Variants in EPHA6 observed in about 807,000 individuals in gnomAD.
EPHA6 encodes the protein ephrin type-A receptor 6.
In EPHA6, 50 loss-of-function variants were observed where a neutral mutation model predicts 112.0. The observed-to-expected ratio is 0.45, with a 90% CI of 0.36 to 0.56. The LOEUF (loss-of-function observed/expected upper bound fraction) is 0.56, where lower values mean the gene tolerates loss of function less well. EPHA6 is among the 20% of genes least tolerant of loss of function. The pLI, the probability that EPHA6 is intolerant of heterozygous loss-of-function variation, is 0.00. For synonymous variants in EPHA6, 529 were observed against 490.7 expected, an observed-to-expected ratio of 1.08 and a Z score of -1.03; for missense variants, 1,280 against 1,417.4, an observed-to-expected ratio of 0.90 and a Z score of 1.56.
intron 5 of EPHA6, among the ~76,000 whole-genome samples, chr3:97,302,796 T>C (rs1281540667): frequency 6.6e-6 from 1 of 151,924 alleles, no homozygotes; most frequent in East Asian, 1.9e-4. Context: ...TGTAATATTC[T>C]AGAATTTTCT....
chr3:97,235,587 G>A (rs1183572942), intron 4 of EPHA6, among the ~76,000 whole-genome samples: 2 of 151,954 alleles, frequency 1.3e-5, no homozygotes, highest in Admixed American at 1.3e-4. Context: ...CCTTCCTTTA[G>A]TCTTCCATCC....
chr3:97,459,256 C>T (rs1371082012), intron 7 of EPHA6, among the ~76,000 whole-genome samples: 1 of 152,126 alleles, frequency 6.6e-6, no homozygotes, highest in Admixed American at 6.5e-5. Context: ...CAAAAGTGAG[C>T]CCTGTGCCAA....
chr3:97,002,242 T>G (rs1576297999), intron 3 of EPHA6, among the ~76,000 whole-genome samples: 1 of 151,878 alleles, frequency 6.6e-6, no homozygotes, highest in South Asian at 2.1e-4. Flanking sequence ...AGGACTTTCC[T>G]CTTGAAGCCT....
At chr3:97,131,493 G>T (rs1566486) in intron 3 of EPHA6, among the ~76,000 whole-genome samples, 144,522 of 152,222 alleles carry the variant, frequency 0.95, 68,651 homozygotes, top group East Asian at 1. Context: ...GTTAGTAAAA[G>T]AATAAACAAG....
intron 13 of EPHA6, among the ~76,000 whole-genome samples, chr3:97,623,814 T>C (rs908466390): frequency 6.6e-6 from 1 of 151,718 alleles, no homozygotes; most frequent in African/African-American, 2.4e-5. Flanking sequence ...ATAGCAATCA[T>C]ACATGAAAAG....
At chr3:97,582,239 G>C (rs1338047205) in intron 11 of EPHA6, among the ~76,000 whole-genome samples, 2 of 152,228 alleles carry the variant, frequency 1.3e-5, no homozygotes, top group East Asian at 3.9e-4. Context: ...ATAGTGGTCA[G>C]GCAGGTCTCA....
At chr3:97,588,787 A>C (rs567933434) in intron 11 of EPHA6, among the ~76,000 whole-genome samples, 1 of 152,290 alleles carries the variant, frequency 6.6e-6, no homozygotes, top group African/African-American at 2.4e-5. Context: ...GTTTAAGCTC[A>C]TTGTTAGTCT....
chr3:97,220,241 T>G (rs1264816658), intron 3 of EPHA6, among the ~76,000 whole-genome samples: 1 of 152,166 alleles, frequency 6.6e-6, no homozygotes, highest in Non-Finnish European at 1.5e-5. Flanking sequence ...TTCTGAGCCC[T>G]CCAGGTCTCT....
intron 5 of EPHA6, among the ~76,000 whole-genome samples, chr3:97,376,258 A>C (rs929994383): frequency 6.6e-6 from 1 of 152,156 alleles, no homozygotes; most frequent in East Asian, 1.9e-4. Flanking sequence ...TATAATTCCA[A>C]TTTTCCCTGC....
intron 3 of EPHA6, among the ~76,000 whole-genome samples, chr3:97,169,923 A>G (rs1358650398): frequency 1.3e-5 from 2 of 152,144 alleles, no homozygotes; most frequent in South Asian, 2.1e-4. Context: ...ATGAGCATGC[A>G]TGGACACACG....
intron 5 of EPHA6, among the ~76,000 whole-genome samples, chr3:97,252,422 C>T (rs1328686271): frequency 6.6e-6 from 1 of 152,170 alleles, no homozygotes; most frequent in Non-Finnish European, 1.5e-5. Flanking sequence ...CACACATACA[C>T]ACACACACGC....
chr3:96,984,405 C>T (rs1197653309), intron 2 of EPHA6, among the ~76,000 whole-genome samples: 1 of 152,136 alleles, frequency 6.6e-6, no homozygotes, highest in Non-Finnish European at 1.5e-5. Flanking sequence ...CCTGATTGTT[C>T]CTCTGGAAGC....
chr3:97,010,017 C>T, intron 3 of EPHA6: 1 of 1,169,126 alleles, frequency 8.6e-7, no homozygotes, highest in Non-Finnish European at 1.1e-6. Context: ...CCTCCAAAGG[C>T]CGCTGCTTCT....
intron 2 of EPHA6, among the ~76,000 whole-genome samples, chr3:96,941,004 C>T (rs560506762): frequency 5.9e-5 from 9 of 151,674 alleles, no homozygotes; most frequent in South Asian, 2.1e-4. Context: ...GTGGGTAACC[C>T]GACCTTTCTC....
chr3:97,635,851 C>T lies in EPHA6; in HGVS notation c.2575-2022C>T, dbSNP rs189072553. Among the ~76,000 whole-genome samples, 4 of 152,162 alleles carry T rather than the reference C, an allele frequency of 2.6e-5. No homozygotes were observed. In the East Asian group the frequency reaches 5.8e-4, roughly 22 times the overall value. On this transcript the variant is annotated intron_variant, in intron 13 of 17. Coordinates refer to ENST00000389672, the MANE Select transcript of EPHA6 (RefSeq NM_001080448.3). Reference sequence around the variant, plus strand: ...TAAAAAACAAATTGGTGCTTTGTGACACACTCGGCATAGATAGAACATTAA... The same window carrying T: ...TAAAAAACAAATTGGTGCTTTGTGATACACTCGGCATAGATAGAACATTAA...
At chr3:97,409,536 A>G (rs2087572800) in intron 6 of EPHA6, among the ~76,000 whole-genome samples, 1 of 152,116 alleles carries the variant, frequency 6.6e-6, no homozygotes. Context: ...CAGATGTCTC[A>G]GAAAGTCAGT....
At chr3:97,639,783 A>G (rs2093984780) in intron 14 of EPHA6, among the ~76,000 whole-genome samples, 1 of 152,184 alleles carries the variant, frequency 6.6e-6, no homozygotes. Flanking sequence ...GAGGCCTAGG[A>G]CAGTGCTTTT....
intron 2 of EPHA6, among the ~76,000 whole-genome samples, chr3:96,883,131 A>G: frequency 6.6e-6 from 1 of 152,164 alleles, no homozygotes; most frequent in African/African-American, 2.4e-5. Context: ...TTGCAGGAGT[A>G]AGGTGGTATC....
rs1207060710 is a variant in EPHA6, at chr3:96,882,730, C to CTGTG, written c.450+15877_450+15880dup. Among the ~76,000 whole-genome samples the CTGTG allele has an allele frequency of 4.4e-3, 567 of 129,298 alleles. 1 individual carries two copies. The highest frequency in any genetic ancestry group is 0.026 in the South Asian group (101 of 3,896). The allele number at this position is 129,298 out of a possible 152,430, so 84.8% of individuals were successfully genotyped here. The stretch of plus-strand genomic sequence containing the variant: ...GGATTCGTAGTATTCCATTGTGTGT[C>CTGTG]TGTGTGTGTGTGTGTGTGTGTGTGT... On this transcript the variant is annotated intron_variant, in intron 2 of 17. Coordinates refer to ENST00000389672, the MANE Select transcript of EPHA6 (RefSeq NM_001080448.3).
Sources: gnomAD v4.1 joint callset for allele counts (sites outside exome capture counted in the v4.1 genomes callset) on GRCh38, gnomAD v4.1.1 for gene constraint, MANE v1.5 for transcripts, NCBI Gene and HGNC (gene_info 2026-07-23, HGNC 2026-07-21) for gene names.